Variants in FTO observed in about 807,000 individuals in gnomAD.
The protein encoded by FTO is alpha-ketoglutarate-dependent dioxygenase FTO.
In FTO, 47 loss-of-function variants were observed where a neutral mutation model predicts 63.9. That is an observed-to-expected ratio of 0.74 (90% CI 0.58 to 0.94). The LOEUF is 0.94. Ranked by LOEUF, FTO falls within the 40% of genes least tolerant of loss-of-function variation. FTO has a pLI of 0.00. For missense variants in FTO, 562 were observed against 618.1 expected (o/e 0.91, Z 0.96); for synonymous variants, 207 against 224.4 (o/e 0.92, Z 0.69).
intron 1 of FTO, among the ~76,000 whole-genome samples, chr16:53,787,134 A>T (rs113008794): frequency 7.5e-6 from 1 of 133,852 alleles, no homozygotes; most frequent in Non-Finnish European, 1.6e-5. Flanking sequence ...AAAAAAAAAA[A>T]AAAAAAAAGA....
intron 8 of FTO, among the ~76,000 whole-genome samples, chr16:53,976,888 G>C (rs1251014378): frequency 6.6e-6 from 1 of 152,008 alleles, no homozygotes; most frequent in African/African-American, 2.4e-5. Flanking sequence ...ATTAGTTCTG[G>C]TAGTTTTTCA....
At chr16:53,882,756 A>C (rs1250050774) in intron 6 of FTO, among the ~76,000 whole-genome samples, 2 of 152,212 alleles carry the variant, frequency 1.3e-5, no homozygotes, top group Non-Finnish European at 2.9e-5. Flanking sequence ...TTTTGAGCAA[A>C]AGGAGAAATA....
intron 8 of FTO, among the ~76,000 whole-genome samples, chr16:53,948,546 G>A (rs191170530): frequency 6.6e-6 from 1 of 152,308 alleles, no homozygotes; most frequent in East Asian, 1.9e-4. Context: ...CCTGGCCAGC[G>A]GACATTCACA....
intron 8 of FTO, among the ~76,000 whole-genome samples, chr16:54,087,813 T>A (rs697770): frequency 0.63 from 95,918 of 151,520 alleles, 31,688 homozygotes; most frequent in African/African-American, 0.84. Context: ...GACAAAGAAA[T>A]TTACAAAAAC....
chr16:53,982,220 C>G (rs2083562790), intron 8 of FTO, among the ~76,000 whole-genome samples: 1 of 152,152 alleles, frequency 6.6e-6, no homozygotes, highest in African/African-American at 2.4e-5. Flanking sequence ...TCTTCTCAAC[C>G]TTATTGAGGA....
chr16:53,773,134 G>A (rs1306815949), intron 1 of FTO, among the ~76,000 whole-genome samples: 4 of 150,450 alleles, frequency 2.7e-5, no homozygotes, highest in African/African-American at 9.7e-5. Context: ...ATACCTATTT[G>A]GTGGTTATTT....
intron 4 of FTO, among the ~76,000 whole-genome samples, chr16:53,863,869 C>T (rs1413686943): frequency 1.3e-5 from 2 of 152,212 alleles, no homozygotes; most frequent in Non-Finnish European, 2.9e-5. Context: ...CCTTCTTTGC[C>T]CTTCTTTAAT....
Position 53,810,233 on chromosome 16 carries a change from A to G in FTO, c.123+16A>G. 6.5e-7 allele frequency: 1 copy of G among 1,547,642 alleles called. No homozygotes were observed. The highest frequency in any genetic ancestry group is 8.9e-7 in the Non-Finnish European group (1 of 1,120,298). On this transcript the variant is annotated intron_variant, in intron 2 of 8. Transcript: ENST00000471389. ...CTATCAGCAGGTAAGGTATTTTAAT[A>G]TTTTTATCAGTTTCAGTGATGTGTT...
chr16:53,750,697 A>G (rs1182461409), intron 1 of FTO, among the ~76,000 whole-genome samples: 3 of 152,208 alleles, frequency 2.0e-5, no homozygotes, highest in Non-Finnish European at 4.4e-5. Flanking sequence ...TACCATCTCT[A>G]CAAACTATTA....
chr16:53,751,675 A>G (rs2076797534), intron 1 of FTO, among the ~76,000 whole-genome samples: 1 of 152,130 alleles, frequency 6.6e-6, no homozygotes, highest in Non-Finnish European at 1.5e-5. Flanking sequence ...TGATCGGTGC[A>G]GGGGTTTCTT....
At chr16:53,844,025 A>C (rs926392894) in intron 3 of FTO, 130 bp from the exon 4 acceptor site, 13 of 736,570 alleles carry the variant, frequency 1.8e-5, no homozygotes, top group Non-Finnish European at 2.9e-5. Flanking sequence ...AATATGACAT[A>C]AAGGGAAGAT....
At chr16:54,065,251 A>T (rs2388454) in intron 8 of FTO, among the ~76,000 whole-genome samples, 1 of 151,528 alleles carries the variant, frequency 6.6e-6, no homozygotes. Context: ...TCAAACTCCT[A>T]GGCTTGAGCC....
chr16:53,913,010 G>A (rs1002956008), intron 7 of FTO, among the ~76,000 whole-genome samples: 1 of 152,206 alleles, frequency 6.6e-6, no homozygotes, highest in Non-Finnish European at 1.5e-5. Context: ...TTATCTGAGA[G>A]CTGGGGGTTT....
intron 3 of FTO, among the ~76,000 whole-genome samples, chr16:53,836,571 C>A (rs549009230): frequency 6.6e-6 from 1 of 152,284 alleles, no homozygotes; most frequent in South Asian, 2.1e-4. Context: ...TTCAGTAACT[C>A]TTTGATTTCT....
intron 8 of FTO, among the ~76,000 whole-genome samples, chr16:54,034,301 C>G (rs1323724036): frequency 6.6e-6 from 1 of 152,068 alleles, no homozygotes; most frequent in Non-Finnish European, 1.5e-5. Context: ...ACTTGCTTTT[C>G]CATTTTAAAA....
intron 1 of FTO, among the ~76,000 whole-genome samples, chr16:53,710,113 G>A (rs2075730013): frequency 6.6e-6 from 1 of 151,410 alleles, no homozygotes; most frequent in Non-Finnish European, 1.5e-5. Context: ...CTTTAAATTG[G>A]TTCCTCATCC....
chr16:54,048,398 T>C (rs1368375595), intron 8 of FTO, among the ~76,000 whole-genome samples: 1 of 152,008 alleles, frequency 6.6e-6, no homozygotes, highest in African/African-American at 2.4e-5. Context: ...AATCATGTGC[T>C]CAGTGAAGGC....
At chr16:53,704,262 G>A in intron 1 of FTO, 33 bp downstream of exon 1, 1 of 1,549,318 alleles carries the variant, frequency 6.5e-7, no homozygotes, top group Non-Finnish European at 8.7e-7. Context: ...GGAGATCTTC[G>A]TGCGCTGTGA....
At chr16:53,955,456 T>C (rs2082907175) in intron 8 of FTO, among the ~76,000 whole-genome samples, 1 of 151,892 alleles carries the variant, frequency 6.6e-6, no homozygotes, top group South Asian at 2.1e-4. Flanking sequence ...TCATTTAAGC[T>C]GAGATGAGGG....
Sources: allele counts gnomAD v4.1 joint callset (sites outside exome capture counted in the v4.1 genomes callset), GRCh38; gene constraint gnomAD v4.1.1; transcripts MANE v1.5; gene names NCBI Gene and HGNC (gene_info 2026-07-23, HGNC 2026-07-21).